Variants in ANKRD36C observed in about 807,000 individuals in gnomAD.
The protein encoded by ANKRD36C is ankyrin repeat domain 36C, also known as ankyrin repeat domain-containing protein 36C.
In ANKRD36C, 61 loss-of-function variants were observed where a neutral mutation model predicts 276.4. The ratio of observed to expected loss-of-function variants is 0.22; its 90% CI spans 0.18 to 0.27. ANKRD36C has a LOEUF of 0.27. ANKRD36C is among the 10% of genes least tolerant of loss of function. ANKRD36C has a pLI of 1.00. For missense variants in ANKRD36C, 1,447 were observed against 2,032.3 expected, an observed-to-expected ratio of 0.71 and a Z score of 5.54; for synonymous variants, 483 against 680.1, an observed-to-expected ratio of 0.71 and a Z score of 4.51.
At chr2:95,972,822 A>AT (rs1678724865) in intron 6 of ANKRD36C, among the ~76,000 whole-genome samples, 2 of 152,294 alleles carry the variant, frequency 1.3e-5, no homozygotes, top group South Asian at 4.1e-4. Context: ...CAGCAATCCT[A>AT]TTTTAACCAG....
intron 59 of ANKRD36C, among the ~76,000 whole-genome samples, chr2:95,871,517 C>T (rs148470351): frequency 2.0e-5 from 3 of 151,848 alleles, no homozygotes; most frequent in Admixed American, 2.0e-4. Context: ...CTGAAGGAAG[C>T]ACTAAACGTG....
At chr2:95,910,429 T>C in intron 42 of ANKRD36C, 2 of 1,561,858 alleles carry the variant, frequency 1.3e-6, no homozygotes, top group Non-Finnish European at 1.7e-6. Context: ...AACAGAATCT[T>C]CCTCGTCACT....
At chr2:95,874,088 A>T (rs917202190) in intron 59 of ANKRD36C, among the ~76,000 whole-genome samples, 1 of 152,120 alleles carries the variant, frequency 6.6e-6, no homozygotes, top group African/African-American at 2.4e-5. Context: ...AGTATGGTTA[A>T]AATGGCCATA....
intron 24 of ANKRD36C, among the ~76,000 whole-genome samples, chr2:95,931,700 A>T (rs1677575563): frequency 6.7e-6 from 1 of 148,598 alleles, no homozygotes; most frequent in Non-Finnish European, 1.5e-5. Flanking sequence ...AATTTTTTGC[A>T]GGTATAAAAA....
At chr2:95,927,086 T>A (rs1677423813) in intron 28 of ANKRD36C, 128 bp downstream of exon 28, 6 of 1,360,446 alleles carry the variant, frequency 4.4e-6, no homozygotes, top group Non-Finnish European at 6.1e-6. Context: ...ACCTGAGAAC[T>A]GAAGAATCTC....
intron 36 of ANKRD36C, among the ~76,000 whole-genome samples, chr2:95,917,394 T>G (rs183734413): frequency 1.7e-4 from 26 of 151,710 alleles, no homozygotes; most frequent in South Asian, 6.2e-4. Flanking sequence ...CATCATCCTT[T>G]GGAAAATAAT....
Position 95,951,328 on chromosome 2 carries a change from G to T in ANKRD36C, c.1264+20C>A. On this transcript the variant is annotated intron_variant, in intron 15 of 66. Transcript: ENST00000456556. ...GAAGAATCAGTAAATACTACAATAG[G>T]CAGGCTTCAAATAACTTACCATCTT... The T allele has an allele frequency of 6.8e-7, 1 of 1,467,622 alleles. No individual in the cohort carries two copies. The highest frequency in any genetic ancestry group is 9.2e-7 in the Non-Finnish European group (1 of 1,089,786). 90.9% of individuals were successfully genotyped at this position (1,467,622 alleles called of 1,614,324 possible). A position where few individuals can be genotyped will look rare whatever the true frequency, so the allele number is the denominator to read the frequency against.
chr2:95,990,739 C>T (rs1310334760), intron 1 of ANKRD36C, among the ~76,000 whole-genome samples: 1 of 152,028 alleles, frequency 6.6e-6, no homozygotes, highest in Non-Finnish European at 1.5e-5. Flanking sequence ...CAGTGAAAAC[C>T]AAATTGACAT....
intron 13 of ANKRD36C, among the ~76,000 whole-genome samples, chr2:95,954,306 A>G (rs1004263541): frequency 1.3e-5 from 2 of 152,160 alleles, no homozygotes; most frequent in African/African-American, 2.4e-5. Context: ...TGGCCAGACA[A>G]TAATTTGTCC....
intron 44 of ANKRD36C, among the ~76,000 whole-genome samples, chr2:95,895,809 A>T (rs1408225274): frequency 1.3e-5 from 2 of 150,996 alleles, no homozygotes; most frequent in Non-Finnish European, 3.0e-5. Context: ...CAAACATGGT[A>T]TGATTTGTCA....
chr2:95,965,657 T>A (rs572811887), intron 6 of ANKRD36C, among the ~76,000 whole-genome samples: 1 of 152,284 alleles, frequency 6.6e-6, no homozygotes, highest in African/African-American at 2.4e-5. Context: ...TATGTCACCA[T>A]ATTTATGTCC....
chr2:95,948,407 T>C, intron 17 of ANKRD36C, 123 bp downstream of exon 17: 1 of 997,242 alleles, frequency 1.0e-6, no homozygotes, highest in Non-Finnish European at 1.4e-6. Context: ...TGGTTATCTC[T>C]AATAAAAGTT....
chr2:95,891,835 C>G, exon 45 of ANKRD36C: 1 of 1,562,452 alleles, frequency 6.4e-7, no homozygotes, highest in Non-Finnish European at 8.7e-7. Context: ...TCATTACCTT[C>G]AAGCCTGATG....
At chr2:95,861,071 CAGAA>C (rs1374978876) in intron 60 of ANKRD36C, among the ~76,000 whole-genome samples, 2 of 152,098 alleles carry the variant, frequency 1.3e-5, no homozygotes, top group Non-Finnish European at 2.9e-5. Flanking sequence ...AATGAATACT[CAGAA>C]AGGTCTTGCC....
At chr2:95,861,224 T>C (rs72823934) in intron 60 of ANKRD36C, among the ~76,000 whole-genome samples, 1 of 151,906 alleles carries the variant, frequency 6.6e-6, no homozygotes, top group African/African-American at 2.4e-5. Flanking sequence ...ACCATACTTG[T>C]AGAGACGCAA....
At chr2:95,867,251 T>C (rs564400045) in intron 60 of ANKRD36C, among the ~76,000 whole-genome samples, 189 bp downstream of exon 80, 4 of 152,226 alleles carry the variant, frequency 2.6e-5, no homozygotes, top group Admixed American at 2.0e-4. Context: ...AAAAGTACAG[T>C]GAAATGATCA....
chr2:95,884,421 T>C (rs1216618868), intron 52 of ANKRD36C, 53 bp from the exon 73 acceptor site: 13 of 1,606,642 alleles, frequency 8.1e-6, no homozygotes, highest in African/African-American at 1.3e-5. Flanking sequence ...GATAAAGTTA[T>C]TCATACATTC....
At chr2:95,945,033 T>C in intron 18 of ANKRD36C, 81 bp downstream of exon 18, 1 of 1,460,000 alleles carries the variant, frequency 6.8e-7, no homozygotes, top group Non-Finnish European at 9.3e-7. Flanking sequence ...AGTAACACTC[T>C]GTCTACAAAA....
At chr2:95,891,976 G>C in intron 44 of ANKRD36C, 116 bp from the exon 65 acceptor site, 1 of 1,500,004 alleles carries the variant, frequency 6.7e-7, no homozygotes, top group Admixed American at 2.0e-5. Context: ...CGTAGGCTTT[G>C]ATGGCTTCTA....
Sources: gnomAD v4.1 joint callset for allele counts (sites outside exome capture counted in the v4.1 genomes callset) on GRCh38, gnomAD v4.1.1 for gene constraint, MANE v1.5 for transcripts, NCBI Gene and HGNC (gene_info 2026-07-23, HGNC 2026-07-21) for gene names.